Variants in SEPTIN5 observed in about 807,000 individuals in gnomAD.
SEPTIN5 encodes the protein septin 5, also known as septin-5.
Under a neutral mutation model 51.2 loss-of-function variants are expected in SEPTIN5, and 16 were observed. That is an observed-to-expected ratio of 0.31 (90% CI 0.21 to 0.47). SEPTIN5 has a LOEUF of 0.47. SEPTIN5 is among the 20% of genes least tolerant of loss of function. The pLI is 0.99. For missense variants in SEPTIN5, 376 were observed against 500.3 expected (o/e 0.75, Z 2.37); for synonymous variants, 208 against 191.2 (o/e 1.09, Z -0.72).
chr22:19,722,045 G>C (rs928710902), intron 10 of SEPTIN5, 88 bp downstream of exon 10: 2 of 1,505,442 alleles, frequency 1.3e-6, no homozygotes, highest in East Asian at 4.6e-5. Context: ...AGCCCACCCA[G>C]ACTTGAACTT....
chr22:19,715,160 G>C (rs939740648), intron 2 of SEPTIN5, among the ~76,000 whole-genome samples: 1 of 152,250 alleles, frequency 6.6e-6, no homozygotes, highest in Non-Finnish European at 1.5e-5. Context: ...AGGGGAGTCA[G>C]GCTCCATCAG....
At position 19,722,854 on chromosome 22, in the gene SEPTIN5, G is replaced by A. The variant is rs190318137; in HGVS notation, c.*370G>A. ...TCCTGGGTCTGTTCCCTGCCCCAGT[G>A]CTGCAGAACGGACTTGGGAGCCCTC... On this transcript the variant is annotated 3_prime_UTR_variant, in exon 12 of 12. Coordinates refer to ENST00000455784, the MANE Select transcript of SEPTIN5 (RefSeq NM_002688.6). 1.1e-5 allele frequency: 5 copies of A among 459,830 alleles called. No homozygotes were observed. Among genetic ancestry groups the A allele is most frequent in the East Asian group, 3.9e-5 (1 of 25,626 alleles). 28.5% of individuals were successfully genotyped at this position (459,830 alleles called of 1,614,324 possible). A position where few individuals can be genotyped will look rare whatever the true frequency, so the allele number is the denominator to read the frequency against.
At position 19,720,461 on chromosome 22, in the gene SEPTIN5, G is replaced by A. The variant is rs779188033; in HGVS notation, c.497+7G>A. 8.1e-6 allele frequency: 13 copies of A among 1,613,526 alleles called. No homozygotes were observed. In the South Asian group the frequency reaches 1.3e-4, roughly 16 times the overall value. ...TCTCCCCCTTCGGGCATGGGTGTGT[G>A]GCTGTCCTGGGGCCAGGCTCGGGAG... On this transcript the variant is annotated splice_region_variant and intron_variant, in intron 6 of 11. Coordinates refer to ENST00000455784, the MANE Select transcript of SEPTIN5 (RefSeq NM_002688.6).
Position 19,722,560 on chromosome 22 carries a change from C to A in SEPTIN5, c.*76C>A. The A allele has an allele frequency of 6.8e-7, 1 of 1,464,452 alleles. No individual in the cohort carries two copies. Among genetic ancestry groups the A allele is most frequent in the South Asian group, 1.2e-5 (1 of 82,108 alleles). The allele number at this position is 1,464,452 out of a possible 1,614,324, so 90.7% of individuals were successfully genotyped here. A position where few individuals can be genotyped will look rare whatever the true frequency, so the allele number is the denominator to read the frequency against. On this transcript the variant is annotated 3_prime_UTR_variant, in exon 12 of 12. Coordinates refer to ENST00000455784, the MANE Select transcript of SEPTIN5 (RefSeq NM_002688.6). ...ACACCAGACCGGACTGTTCCCGACC[C>A]GGAGACGCGGGGCCACAGCCCCCAG...
At chr22:19,718,530 G>A in intron 2 of SEPTIN5, 1 of 1,279,922 alleles carries the variant, frequency 7.8e-7, no homozygotes, top group Non-Finnish European at 9.9e-7. Context: ...CGCCCAGTCA[G>A]GGGGATGGCT....
chr22:19,718,864 C>T, intron 2 of SEPTIN5: 2 of 1,230,696 alleles, frequency 1.6e-6, no homozygotes, highest in Non-Finnish European at 2.0e-6. Context: ...ACCCCGCGGG[C>T]TCCGGGACTC....
rs1935892119 is a variant in SEPTIN5, at chr22:19,714,859, C to T, written c.54+68C>T. The stretch of plus-strand genomic sequence containing the variant: ...CTGTCACCCATTGTGACACTAGCGC[C>T]TTGGGCGCCCAGGCGCGACCCCGCC... On this transcript the variant is annotated intron_variant, in intron 2 of 11. Transcript: ENST00000455784. The surrounding 1 kb of genome is among the most constrained non-coding windows in gnomAD (Gnocchi z 5.2). 1.3e-6 allele frequency: 2 copies of T among 1,550,202 alleles called. No homozygotes were observed. The highest frequency in any genetic ancestry group is 1.7e-6 in the Non-Finnish European group (2 of 1,149,888).
At position 19,722,460 on chromosome 22, in the gene SEPTIN5, G is replaced by C; in HGVS notation, c.1086G>C (p.Met362Ile). 6.2e-7 allele frequency: 1 copy of C among 1,601,304 alleles called. No individual in the cohort carries two copies. Among genetic ancestry groups the C allele is most frequent in the Non-Finnish European group, 8.5e-7 (1 of 1,174,292 alleles). ...GCATGCAGGAGATGCTGCAGAGGAT[G>C]AAGCAGCAGATGCAGGACCAGTGAC... ...LRRMQEMLQR[M>I]KQQMQDQ Residue 362 changes from methionine to isoleucine, a missense_variant, in exon 12 of 12, where the codon ATG (methionine) becomes ATC (isoleucine). Transcript: ENST00000455784.
intron 10 of SEPTIN5, 120 bp downstream of exon 10, chr22:19,722,077 C>G: frequency 1.5e-6 from 2 of 1,320,366 alleles, no homozygotes; most frequent in Non-Finnish European, 2.1e-6. Context: ...CTAAGCCCCC[C>G]CCCTCCCCCA....
chr22:19,716,314 C>T (rs1293186311), intron 2 of SEPTIN5, among the ~76,000 whole-genome samples: 1 of 152,234 alleles, frequency 6.6e-6, no homozygotes, highest in African/African-American at 2.4e-5. Flanking sequence ...TGCTGAGCCT[C>T]AGCCTGTCCA....
intron 9 of SEPTIN5, 29 bp from the exon 10 acceptor site, chr22:19,721,793 C>A: frequency 3.7e-6 from 6 of 1,603,038 alleles, no homozygotes; most frequent in Non-Finnish European, 5.1e-6. Context: ...TGGGCCGGCG[C>A]CAGCCCACTA....
In SEPTIN5 at chr22:19,721,898, C is replaced by G. The variant is rs1170176946; in HGVS notation, c.891C>G (p.Asp297Glu). The change falls in exon 10 of 12, where the codon GAC (aspartate) becomes GAG (glutamate). Residue 297 changes from aspartate to glutamate, a missense_variant. Physicochemically the swap from Asp to Glu is conservative, Grantham distance 45 (BLOSUM62 2). Coordinates refer to ENST00000455784, the MANE Select transcript of SEPTIN5 (RefSeq NM_002688.6). ...LIRTHMHDLK[D>E]VTCDVHYENY... The stretch of plus-strand genomic sequence containing the variant: ...GCACGCATATGCACGACCTCAAGGA[C>G]GTGACGTGCGACGTGCACTACGAGA... The G allele has an allele frequency of 3.1e-6, 5 of 1,612,172 alleles. No homozygotes were observed. The highest frequency in any genetic ancestry group is 4.2e-6 in the Non-Finnish European group (5 of 1,179,566).
In SEPTIN5 at chr22:19,722,598, T is replaced by G; in HGVS notation, c.*114T>G. 1 of 1,105,194 alleles carries G rather than the reference T, an allele frequency of 9.0e-7. No homozygotes were observed. The highest frequency in any genetic ancestry group is 1.3e-6 in the Non-Finnish European group (1 of 759,908). The allele number at this position is 1,105,194 out of a possible 1,614,324, so 68.5% of individuals were successfully genotyped here. Reference sequence around the variant, plus strand: ...CCACAGCCCCCAGCTGACCCTAATTTATTCTCAGCACCACCCCCTCCCAGG... The same window carrying G: ...CCACAGCCCCCAGCTGACCCTAATTGATTCTCAGCACCACCCCCTCCCAGG... On this transcript the variant is annotated 3_prime_UTR_variant, in exon 12 of 12. Coordinates refer to ENST00000455784, the MANE Select transcript of SEPTIN5 (RefSeq NM_002688.6).
intron 2 of SEPTIN5, among the ~76,000 whole-genome samples, chr22:19,716,447 C>T (rs550670752): frequency 6.6e-6 from 1 of 152,362 alleles, no homozygotes; most frequent in African/African-American, 2.4e-5. Flanking sequence ...CTGCTGCTCC[C>T]AGAGCTGACT....
chr22:19,721,631 T>G lies in SEPTIN5; in HGVS notation c.718-9T>G. On this transcript the variant is annotated splice_polypyrimidine_tract_variant and intron_variant, in intron 8 of 11. Coordinates refer to ENST00000455784, the MANE Select transcript of SEPTIN5 (RefSeq NM_002688.6). ...ACCGGGTGTGAGCCTTTCTCCCTCC[T>G]TCCCCCAGGAGAGCGCGCCCTTCGC... 6.2e-7 allele frequency: 1 copy of G among 1,612,618 alleles called. No homozygotes were observed. The highest frequency in any genetic ancestry group is 8.5e-7 in the Non-Finnish European group (1 of 1,179,730).
Position 19,719,713 on chromosome 22 carries a change from C to T in SEPTIN5, c.151+15C>T. On this transcript the variant is annotated intron_variant, in intron 3 of 11. Coordinates refer to ENST00000455784, the MANE Select transcript of SEPTIN5 (RefSeq NM_002688.6). ...CATGGTGGCTGGTGAGTGGGCCAGGCTCCTCGGGGGAGTGGCTGGGGTCAC... is the reference window on the plus strand; with the variant it reads ...CATGGTGGCTGGTGAGTGGGCCAGGTTCCTCGGGGGAGTGGCTGGGGTCAC... The T allele has an allele frequency of 6.2e-7, 1 of 1,612,576 alleles. No homozygotes were observed. The highest frequency in any genetic ancestry group is 8.5e-7 in the Non-Finnish European group (1 of 1,179,692).
rs765329826 is a variant in SEPTIN5 at position 19,720,677 on chromosome 22, C to T, written c.615+11C>T. ...AAGCTGAAGGAGCGGGTGAGCCTGC[C>T]GTCGCACAGGGGCCTGGCCAGGGCC... is the stretch of plus-strand genomic sequence containing the variant. On this transcript the variant is annotated intron_variant, in intron 7 of 11. Coordinates refer to ENST00000455784, the MANE Select transcript of SEPTIN5 (RefSeq NM_002688.6). The T allele has an allele frequency of 2.1e-5, 34 of 1,612,682 alleles. No homozygotes were observed. Among genetic ancestry groups the T allele is most frequent in the East Asian group, 1.6e-4 (7 of 44,894 alleles).
chr22:19,721,355 G>A (rs749254325), intron 8 of SEPTIN5, among the ~76,000 whole-genome samples: 8 of 152,180 alleles, frequency 5.3e-5, no homozygotes, highest in Non-Finnish European at 8.8e-5. Flanking sequence ...TCAGCCCTGG[G>A]GAGGGAAGGG....
At position 19,723,075 on chromosome 22, in the gene SEPTIN5, GC is replaced by G. The variant is rs763026666; in HGVS notation, c.*594del. On this transcript the variant is annotated 3_prime_UTR_variant, in exon 12 of 12. Transcript: ENST00000455784. The stretch of plus-strand genomic sequence containing the variant: ...GCTTACACCCCTTCTCCACAGCCCG[GC>G]CCGACCTGGAGGGCCCCCGGGGCAC... 157 of 521,192 alleles carry G rather than the reference GC, an allele frequency of 3.0e-4. No individual in the cohort carries two copies. Among genetic ancestry groups the G allele is most frequent in the Non-Finnish European group, 4.0e-4 (109 of 270,534 alleles). 32.3% of individuals were successfully genotyped at this position (521,192 alleles called of 1,614,324 possible).
Sources: gnomAD v4.1 joint callset for allele counts (sites outside exome capture counted in the v4.1 genomes callset) on GRCh38, gnomAD v4.1.1 for gene constraint, Gnocchi (gnomAD v3.1) non-coding constraint, MANE v1.5 for transcripts, NCBI Gene and HGNC (gene_info 2026-07-23, HGNC 2026-07-21) for gene names.